The following IQSEC1 variants were observed in gnomAD, a reference collection of about 807,000 sequenced individuals.
The protein encoded by IQSEC1 is IQ motif and SEC7 domain-containing protein 1.
Under a neutral mutation model 91.0 loss-of-function variants are expected in IQSEC1, and 31 were observed. The ratio of observed to expected loss-of-function variants is 0.34; its 90% CI spans 0.26 to 0.46. The LOEUF (loss-of-function observed/expected upper bound fraction) is 0.46, where lower values mean the gene tolerates loss of function less well. Ranked by LOEUF, IQSEC1 falls within the 20% of genes least tolerant of loss-of-function variation. The probability of loss-of-function intolerance (pLI) is 1.00; values close to 1 mark genes in which losing one functional copy is unlikely to be tolerated. For missense variants in IQSEC1, 1,388 were observed against 1,575.6 expected (o/e 0.88, Z 2.02); for synonymous variants, 699 against 662.6 (o/e 1.05, Z -0.84).
chr3:13,152,121 T>G (rs1488719162), intron 2 of IQSEC1, among the ~76,000 whole-genome samples: 1 of 152,192 alleles, frequency 6.6e-6, no homozygotes, highest in Non-Finnish European at 1.5e-5. Context: ...ATTGCAATAG[T>G]CAGAGTGGAG....
intron 1 of IQSEC1, among the ~76,000 whole-genome samples, chr3:13,026,451 A>G (rs919357846): frequency 1.3e-5 from 2 of 152,182 alleles, no homozygotes; most frequent in Admixed American, 6.5e-5. Context: ...CCAATTTTCC[A>G]TTGGCTTGTT....
At chr3:13,125,906 T>C (rs1253355085) in intron 2 of IQSEC1, among the ~76,000 whole-genome samples, 1 of 152,172 alleles carries the variant, frequency 6.6e-6, no homozygotes, top group Non-Finnish European at 1.5e-5. Context: ...GGAATGGTGA[T>C]GATAATTTTC....
intron 1 of IQSEC1, among the ~76,000 whole-genome samples, chr3:13,030,829 C>T (rs150459537): frequency 1.3e-5 from 2 of 152,356 alleles, no homozygotes; most frequent in East Asian, 1.9e-4. Flanking sequence ...AAGCATGAGG[C>T]GCAAAGCTGT....
Position 12,983,653 on chromosome 3 carries a change from CG to C in IQSEC1, c.24-41789del, listed in dbSNP as rs1421331290. 1.3e-5 allele frequency among the ~76,000 whole-genome samples: 2 copies of C among 152,154 alleles called. No homozygotes were observed. Among genetic ancestry groups the C allele is most frequent in the African/African-American group, 4.8e-5 (2 of 41,428 alleles). On this transcript the variant is annotated intron_variant, in intron 1 of 13. Transcript: ENST00000613206. This position sits in a 1 kb window ranked among gnomAD's most constrained non-coding sequence, Gnocchi z 4.3. The stretch of plus-strand genomic sequence containing the variant: ...CTTCTTGGCTCAGCTCCTTCAGGGA[CG>C]CCTGGGCTGACCTCACAGGCCACGC...
intron 1 of IQSEC1, among the ~76,000 whole-genome samples, chr3:13,067,270 CGG>C (rs1327401198): frequency 6.6e-6 from 1 of 152,182 alleles, no homozygotes; most frequent in Non-Finnish European, 1.5e-5. Flanking sequence ...GAAGGGCAGA[CGG>C]GGGCTGTGTC....
chr3:13,036,727 T>G (rs1367185399), intron 1 of IQSEC1, among the ~76,000 whole-genome samples: 2 of 152,206 alleles, frequency 1.3e-5, no homozygotes, highest in East Asian at 1.9e-4. Context: ...GCTCCCTTAC[T>G]GAGCTGGCAG....
chr3:13,235,227 G>A (rs1694907716), intron 1 of IQSEC1, among the ~76,000 whole-genome samples: 1 of 152,128 alleles, frequency 6.6e-6, no homozygotes, highest in African/African-American at 2.4e-5. Context: ...CCTCAGTCAG[G>A]GCTTCTCCCC....
At chr3:13,227,952 C>T (rs1231257474) in intron 1 of IQSEC1, among the ~76,000 whole-genome samples, 4 of 152,154 alleles carry the variant, frequency 2.6e-5, no homozygotes, top group Non-Finnish European at 5.9e-5. Context: ...CGAGGACCCC[C>T]CACCATCCCC....
At chr3:13,043,761 T>G (rs1384917045) in intron 1 of IQSEC1, among the ~76,000 whole-genome samples, 1 of 152,206 alleles carries the variant, frequency 6.6e-6, no homozygotes, top group African/African-American at 2.4e-5. Context: ...GGATCTTGTA[T>G]AGTGTGTGAA....
At chr3:13,021,838 G>C (rs1240481247) in intron 1 of IQSEC1, among the ~76,000 whole-genome samples, 1 of 152,130 alleles carries the variant, frequency 6.6e-6, no homozygotes, top group East Asian at 1.9e-4. Context: ...CCAGCCGAAC[G>C]TGTGCTCTGG....
intron 1 of IQSEC1, among the ~76,000 whole-genome samples, chr3:13,019,740 A>G (rs1382520212): frequency 1.3e-5 from 2 of 152,124 alleles, no homozygotes; most frequent in African/African-American, 4.8e-5. Flanking sequence ...CCCAGTGCCA[A>G]TTATGGTGCC....
intron 1 of IQSEC1, among the ~76,000 whole-genome samples, chr3:13,169,916 A>G (rs1401789930): frequency 1.3e-5 from 2 of 152,254 alleles, no homozygotes; most frequent in African/African-American, 4.8e-5. Context: ...GATAGAAAAG[A>G]AAAACCCATT....
chr3:13,190,216 A>C (rs866927999), intron 1 of IQSEC1, among the ~76,000 whole-genome samples: 32 of 152,144 alleles, frequency 2.1e-4, no homozygotes, highest in Admixed American at 6.5e-5. Context: ...CAAGGCACTG[A>C]GGGGAAAAGC....
chr3:13,173,713 A>G (rs1693664002), intron 1 of IQSEC1, among the ~76,000 whole-genome samples: 1 of 152,222 alleles, frequency 6.6e-6, no homozygotes, highest in Non-Finnish European at 1.5e-5. Flanking sequence ...TGGGCCTTGG[A>G]CAGGCCATCT....
intron 2 of IQSEC1, among the ~76,000 whole-genome samples, chr3:13,149,639 C>A (rs960512583): frequency 1.2e-4 from 19 of 152,072 alleles, no homozygotes; most frequent in Non-Finnish European, 2.5e-4. Flanking sequence ...GGAGGTGAGA[C>A]TGGAAGGTGT....
intron 12 of IQSEC1, among the ~76,000 whole-genome samples, chr3:12,904,158 C>G (rs892281): frequency 0.3 from 45,237 of 152,212 alleles, 7,884 homozygotes; most frequent in Non-Finnish European, 0.38. Context: ...GGCTTCGAGC[C>G]TCCCCGTGCC....
chr3:13,072,965 A>T, intron 1 of IQSEC1, 27 bp downstream of exon 1: 2 of 1,546,210 alleles, frequency 1.3e-6, no homozygotes, highest in Non-Finnish European at 1.8e-6. Flanking sequence ...CTCTGGCTTC[A>T]GGCAGAAACC....
At position 12,920,452 on chromosome 3, in the gene IQSEC1, C is replaced by G. The variant is rs1696519267; in HGVS notation, c.1998G>C (p.Glu666Asp). 3.7e-6 allele frequency: 6 copies of G among 1,614,088 alleles called. No individual in the cohort carries two copies. Among genetic ancestry groups the G allele is most frequent in the Non-Finnish European group, 4.2e-6 (5 of 1,180,030 alleles). Reference protein sequence around the residue: ...NVKPERKMKLEDFIKNLRGVD... With the variant: ...NVKPERKMKLDDFIKNLRGVD... ...CACCTCGGAGGTTCTTGATGAAGTC[C>G]TCTAGCTTCATTTTCCGCTCGGGCT... Residue 666 changes from glutamate (E) to aspartate (D), a missense_variant, in exon 6 of 14, where the codon GAG becomes GAC. Physicochemically the swap from Glu to Asp is conservative, Grantham distance 45 (BLOSUM62 2). Around this residue, in one of 2 missense-constraint regions of IQSEC1, gnomAD observed 1,059 missense variants for 1,317.8 expected, o/e 0.80. Transcript: ENST00000613206.
chr3:13,054,889 G>A (rs186440022), intron 1 of IQSEC1, among the ~76,000 whole-genome samples: 5 of 152,320 alleles, frequency 3.3e-5, no homozygotes, highest in Non-Finnish European at 7.4e-5. Flanking sequence ...TTCCTCATTT[G>A]TAAAACGGGG....
Sources: gnomAD v4.1 joint callset for allele counts (sites outside exome capture counted in the v4.1 genomes callset) on GRCh38, gnomAD v4.1.1 for gene constraint, gnomAD v4.1.1 regional missense constraint, Gnocchi (gnomAD v3.1) non-coding constraint, MANE v1.5 for transcripts, NCBI Gene and HGNC (gene_info 2026-07-23, HGNC 2026-07-21) for gene names.